The following ITPR1 variants were observed in gnomAD, a reference collection of about 807,000 sequenced individuals.
ITPR1 encodes inositol 1,4,5-trisphosphate-gated calcium channel ITPR1.
Under a neutral mutation model 318.4 loss-of-function variants are expected in ITPR1, and 96 were observed. The observed-to-expected ratio is 0.30, with a 90% CI of 0.26 to 0.36. ITPR1 has a LOEUF of 0.36. Ranked by LOEUF, ITPR1 falls within the 10% of genes least tolerant of loss-of-function variation. The pLI is 1.00. For synonymous variants in ITPR1, 1,312 were observed against 1,289.9 expected (o/e 1.02, Z -0.37); for missense variants, 2,440 against 3,460.2 (o/e 0.71, Z 7.40).
intron 59 of ITPR1, chr3:4,816,382 A>C (rs989329503): frequency 6.6e-6 from 1 of 152,228 alleles, no homozygotes; most frequent in Non-Finnish European, 1.5e-5. Flanking sequence ...TATCAAAGAC[A>C]TGCTGTTGTG....
intron 30 of ITPR1, 52 bp downstream of exon 30, chr3:4,685,258 G>A: frequency 1.3e-6 from 2 of 1,521,452 alleles, no homozygotes; most frequent in South Asian, 2.5e-5. Context: ...GCGGATCCCT[G>A]GGTTTCCCCA....
intron 4 of ITPR1, among the ~76,000 whole-genome samples, chr3:4,538,949 G>T (rs1194077691): frequency 6.6e-6 from 1 of 152,078 alleles, no homozygotes; most frequent in Non-Finnish European, 1.5e-5. Flanking sequence ...TAGGTGATAG[G>T]TTGATAGGAG....
intron 44 of ITPR1, among the ~76,000 whole-genome samples, chr3:4,747,191 G>C (rs2044170742): frequency 6.6e-6 from 1 of 152,170 alleles, no homozygotes; most frequent in South Asian, 2.1e-4. Context: ...GACAGTAGTG[G>C]TAACAAGTGC....
intron 46 of ITPR1, among the ~76,000 whole-genome samples, chr3:4,773,625 A>G (rs573866776): frequency 2.0e-5 from 3 of 152,358 alleles, no homozygotes; most frequent in South Asian, 2.1e-4. Flanking sequence ...AATTTCAGCC[A>G]TGGACAGCCA....
intron 4 of ITPR1, among the ~76,000 whole-genome samples, chr3:4,621,937 A>G (rs1287911246): frequency 6.6e-6 from 1 of 152,074 alleles, no homozygotes; most frequent in Non-Finnish European, 1.5e-5. Context: ...TCCCCACCTC[A>G]GCCCTAGTGC....
chr3:4,577,873 C>T (rs1378362254), intron 4 of ITPR1, among the ~76,000 whole-genome samples: 2 of 152,162 alleles, frequency 1.3e-5, no homozygotes, highest in Admixed American at 6.5e-5. Flanking sequence ...GGTCCTCTAA[C>T]TGTAGTTATT....
chr3:4,558,221 T>C (rs956248205), intron 4 of ITPR1, among the ~76,000 whole-genome samples: 4 of 152,122 alleles, frequency 2.6e-5, no homozygotes, highest in African/African-American at 7.2e-5. Flanking sequence ...ATGCCTGATA[T>C]GATGAAGAGT....
At position 4,658,014 on chromosome 3, in the gene ITPR1, T is replaced by C. The variant is rs374578255; in HGVS notation, c.997-110T>C. 86 of 1,064,764 alleles carry C rather than the reference T, an allele frequency of 8.1e-5. No homozygotes were observed. The East Asian group carries it at 1.5e-3, about 19-fold the overall frequency. The allele number at this position is 1,064,764 out of a possible 1,614,324, so 66.0% of individuals were successfully genotyped here. ...TAACTGTGGTCCTTTTCCTGCCAAC[T>C]GCTGACATTCACGATCCTTTCTTCT... On this transcript the variant is annotated intron_variant, in intron 12 of 61. Transcript: ENST00000649015.
chr3:4,682,435 TG>T (rs2125231031), intron 26 of ITPR1, among the ~76,000 whole-genome samples: 1 of 152,344 alleles, frequency 6.6e-6, no homozygotes, highest in Non-Finnish European at 1.5e-5. Flanking sequence ...GCAAATCCCA[TG>T]GCCAAGCTCA....
chr3:4,572,032 T>G (rs866922751), intron 4 of ITPR1, among the ~76,000 whole-genome samples: 1 of 152,238 alleles, frequency 6.6e-6, no homozygotes, highest in Non-Finnish European at 1.5e-5. Context: ...GCTCATGGAT[T>G]AGTTATTCCT....
chr3:4,612,757 G>A (rs2092211965), intron 4 of ITPR1, among the ~76,000 whole-genome samples: 1 of 152,024 alleles, frequency 6.6e-6, no homozygotes, highest in Non-Finnish European at 1.5e-5. Context: ...TGTGGTGGTG[G>A]GGGCCTGTAA....
intron 39 of ITPR1, among the ~76,000 whole-genome samples, chr3:4,716,745 T>C (rs2041792054): frequency 1.3e-5 from 2 of 152,232 alleles, no homozygotes; most frequent in Non-Finnish European, 2.9e-5. Flanking sequence ...GATACTTCTC[T>C]TGTGCTTTTG....
intron 39 of ITPR1, 23 bp from the exon 40 acceptor site, chr3:4,717,344 C>T (rs2041844177): frequency 6.4e-7 from 1 of 1,573,888 alleles, no homozygotes; most frequent in Admixed American, 1.7e-5. Context: ...CCTTCTCTCT[C>T]TCTCCCCTTT....
At chr3:4,747,201 C>T (rs1267502386) in intron 44 of ITPR1, among the ~76,000 whole-genome samples, 1 of 152,192 alleles carries the variant, frequency 6.6e-6, no homozygotes, top group Non-Finnish European at 1.5e-5. Flanking sequence ...GTAACAAGTG[C>T]TCATGTACCA....
intron 60 of ITPR1, among the ~76,000 whole-genome samples, chr3:4,822,828 C>G (rs1431629688): frequency 6.6e-6 from 1 of 152,168 alleles, no homozygotes; most frequent in Non-Finnish European, 1.5e-5. Context: ...CCTGGACAAG[C>G]CTGGGCTTTC....
At chr3:4,692,300 G>T (rs2094493046) in intron 32 of ITPR1, among the ~76,000 whole-genome samples, 1 of 152,154 alleles carries the variant, frequency 6.6e-6, no homozygotes, top group African/African-American at 2.4e-5. Context: ...TCACTTTAAA[G>T]AGTTGATATG....
intron 4 of ITPR1, among the ~76,000 whole-genome samples, chr3:4,601,175 CTTTTTTT>C (rs68165287): frequency 8.4e-6 from 1 of 119,752 alleles, no homozygotes; most frequent in African/African-American, 3.2e-5. Flanking sequence ...GAAAAATATT[CTTTTTTT>C]TTTTTTTTTT....
chr3:4,534,101 C>T (rs2083647364), intron 4 of ITPR1, among the ~76,000 whole-genome samples: 1 of 152,180 alleles, frequency 6.6e-6, no homozygotes, highest in African/African-American at 2.4e-5. Flanking sequence ...GAAGGAATGT[C>T]CAGAGGCTAC....
chr3:4,575,251 C>G (rs2088507273), intron 4 of ITPR1, among the ~76,000 whole-genome samples: 1 of 152,168 alleles, frequency 6.6e-6, no homozygotes, highest in African/African-American at 2.4e-5. Context: ...AGAGATCACA[C>G]TCATCTTTGG....
Sources: allele counts gnomAD v4.1 joint callset (sites outside exome capture counted in the v4.1 genomes callset), GRCh38; gene constraint gnomAD v4.1.1; transcripts MANE v1.5; gene names NCBI Gene and HGNC (gene_info 2026-07-23, HGNC 2026-07-21).